Variants in SMARCE1 observed in about 807,000 individuals in gnomAD.
SMARCE1 encodes the protein SWI/SNF-related matrix-associated actin-dependent regulator of chromatin subfamily E member 1.
SMARCE1 carries 13 observed loss-of-function variants against 54.9 expected under a neutral mutation model. That is an observed-to-expected ratio of 0.24 (90% CI 0.15 to 0.38). The LOEUF is 0.38. Among genes scored for constraint, SMARCE1 ranks in the 10% least tolerant of loss-of-function variants. The probability of loss-of-function intolerance (pLI) is 1.00; values close to 1 mark genes in which losing one functional copy is unlikely to be tolerated. For missense variants in SMARCE1, 295 were observed against 523.8 expected (o/e 0.56, Z 4.26); for synonymous variants, 151 against 175.3 (o/e 0.86, Z 1.10).
chr17:40,631,420 C>T, intron 9 of SMARCE1, 172 bp downstream of exon 9: 2 of 540,726 alleles, frequency 3.7e-6, no homozygotes, highest in East Asian at 3.0e-5. Flanking sequence ...TGCAATTTTG[C>T]CAGAGAATGG....
At chr17:40,631,145 A>G in intron 9 of SMARCE1, 1 of 489,650 alleles carries the variant, frequency 2.0e-6, no homozygotes, top group Non-Finnish European at 3.6e-6. Context: ...ATAATATAGG[A>G]TATTCCAGAG....
chr17:40,641,632 T>C (rs1336154876), intron 4 of SMARCE1: 1 of 152,230 alleles, frequency 6.6e-6, no homozygotes, highest in Non-Finnish European at 1.5e-5. Context: ...TCCAATGTAG[T>C]ATTTGACTTT....
chr17:40,636,570 G>A (rs751766941), intron 5 of SMARCE1, 44 bp from the exon 6 acceptor site: 32 of 1,480,246 alleles, frequency 2.2e-5, no homozygotes, highest in Admixed American at 1.9e-5. Flanking sequence ...ATGTCTAAAC[G>A]TATAGACCTT....
chr17:40,630,392 T>C (rs1351556363), intron 10 of SMARCE1: 3 of 668,332 alleles, frequency 4.5e-6, no homozygotes, highest in Non-Finnish European at 8.1e-6. Context: ...ACAGACAGTA[T>C]GTAAACAAAC....
At chr17:40,646,343 A>T (rs1375292840) in intron 1 of SMARCE1, among the ~76,000 whole-genome samples, 1 of 152,210 alleles carries the variant, frequency 6.6e-6, no homozygotes, top group Non-Finnish European at 1.5e-5. Flanking sequence ...TGAACTTCAC[A>T]TTCTCTTATA....
Position 40,636,533 on chromosome 17 carries a change from A to G in SMARCE1, c.238-7T>C, listed in dbSNP as rs1461647458. On this transcript the variant is annotated splice_polypyrimidine_tract_variant and splice_region_variant and intron_variant, in intron 5 of 10. Transcript: ENST00000348513. ...CCTTTACTTGGTCCCAGACCTTAAA[A>G]AGAAAACAGATGAAATGTTAATACT... is the stretch of plus-strand genomic sequence containing the variant. 2 of 1,608,126 alleles carry G rather than the reference A, an allele frequency of 1.2e-6. No homozygotes were observed. Among genetic ancestry groups the G allele is most frequent in the Non-Finnish European group, 1.7e-6 (2 of 1,175,074 alleles).
intron 5 of SMARCE1, 27 bp downstream of exon 5, chr17:40,637,465 A>C: frequency 1.9e-6 from 3 of 1,543,454 alleles, no homozygotes; most frequent in Non-Finnish European, 2.7e-6. Context: ...CAGTGTCCTC[A>C]CTCCTTACCA....
At chr17:40,629,089 T>A in intron 10 of SMARCE1, 96 bp from the exon 11 acceptor site, 1 of 966,456 alleles carries the variant, frequency 1.0e-6, no homozygotes, top group Non-Finnish European at 1.6e-6. Context: ...TAGAAGCCAC[T>A]AGCCACATGT....
chr17:40,633,382 T>C (rs907932463), intron 7 of SMARCE1: 1 of 152,134 alleles, frequency 6.6e-6, no homozygotes, highest in Non-Finnish European at 1.5e-5. Flanking sequence ...TCATAGTTTT[T>C]CATATATCTA....
At chr17:40,630,210 T>C in intron 10 of SMARCE1, 2 of 1,429,538 alleles carry the variant, frequency 1.4e-6, no homozygotes, top group Non-Finnish European at 1.9e-6. Flanking sequence ...TTTTTTACCT[T>C]GAGGGATGCT....
intron 10 of SMARCE1, chr17:40,630,076 T>C: frequency 1.8e-6 from 1 of 566,074 alleles, no homozygotes; most frequent in Non-Finnish European, 3.1e-6. Context: ...CTTAGTCCTG[T>C]TTACACAGTG....
chr17:40,627,796 A>G lies in SMARCE1; in HGVS notation c.*989T>C, dbSNP rs2037050364. The G allele has an allele frequency of 6.6e-6, 1 of 152,558 alleles. No individual in the cohort carries two copies. The highest frequency in any genetic ancestry group is 2.4e-5 in the African/African-American group (1 of 41,400). The allele number at this position is 152,558 out of a possible 1,614,324, so 9.5% of individuals were successfully genotyped here. On this transcript the variant is annotated 3_prime_UTR_variant, in exon 11 of 11. Coordinates refer to ENST00000348513, the MANE Select transcript of SMARCE1 (RefSeq NM_003079.5). Reference sequence around the variant, plus strand: ...CCACTATTCAGTAAAAATCTATTCTAGTTTTTGGGAAGCTTATGTGTCACA... The same window carrying G: ...CCACTATTCAGTAAAAATCTATTCTGGTTTTTGGGAAGCTTATGTGTCACA...
In SMARCE1 at chr17:40,629,010, G is replaced by C. The variant is rs1162371347; in HGVS notation, c.1028-17C>G. 1 of 1,599,632 alleles carries C rather than the reference G, an allele frequency of 6.3e-7. No homozygotes were observed. Among genetic ancestry groups the C allele is most frequent in the East Asian group, 2.2e-5 (1 of 44,796 alleles). ...GTGTCTCCTCTGTAATCACACATTT[G>C]TCACTGTCAGTTCCAAGATGAAATT... On this transcript the variant is annotated splice_polypyrimidine_tract_variant and intron_variant, in intron 10 of 10. Transcript: ENST00000348513.
chr17:40,628,900 A>G lies in SMARCE1; in HGVS notation c.1121T>C (p.Val374Ala), dbSNP rs1597741256. The G allele has an allele frequency of 6.2e-7, 1 of 1,612,724 alleles. No homozygotes were observed. The highest frequency in any genetic ancestry group is 8.5e-7 in the Non-Finnish European group (1 of 1,179,570). ...GGTTCCTTCCTCTGCCATACTGTCGACCCCCTCCTGCCCACTCTCCTTGTC... is the reference window on the plus strand; with the variant it reads ...GGTTCCTTCCTCTGCCATACTGTCGGCCCCCTCCTGCCCACTCTCCTTGTC... ...PEDKESGQEGVDSMAEEGTSD... is the reference protein window; with the variant it reads ...PEDKESGQEGADSMAEEGTSD... Residue 374 changes from valine to alanine, a missense_variant, in exon 11 of 11, where the codon GTC becomes GCC. By Grantham distance (64) the Val-to-Ala change is moderately conservative. Transcript: ENST00000348513.
intron 2 of SMARCE1, 85 bp from the exon 3 acceptor site, chr17:40,645,704 G>GAA: frequency 9.9e-6 from 11 of 1,116,624 alleles, no homozygotes; most frequent in South Asian, 5.7e-5. Context: ...CTGTTTTGAA[G>GAA]AAAAAAAAAT....
intron 4 of SMARCE1, chr17:40,637,773 A>G: frequency 3.6e-6 from 2 of 560,502 alleles, no homozygotes; most frequent in Middle Eastern, 3.6e-4. Flanking sequence ...TGTTTTACTT[A>G]GCAGTTTATT....
chr17:40,637,684 T>C (rs1272589895), intron 4 of SMARCE1, 112 bp from the exon 5 acceptor site: 1 of 745,076 alleles, frequency 1.3e-6, no homozygotes, highest in Non-Finnish European at 2.3e-6. Flanking sequence ...CGTCCAAATA[T>C]TTTCTTCACT....
At position 40,628,836 on chromosome 17, in the gene SMARCE1, T is replaced by C. The variant is rs2037060598; in HGVS notation, c.1185A>G (p.Thr395=). 12 of 1,613,812 alleles carry C rather than the reference T, an allele frequency of 7.4e-6. No individual in the cohort carries two copies. The highest frequency in any genetic ancestry group is 1.7e-5 in the Admixed American group (1 of 59,996). ...SNTGSESNSA[T]VEEPPTDPIP... ...TGGGATCTGTTGGTGGCTCCTCCAC[T>C]GTTGCACTGTTGCTCTCCGAGCCAG... Residue 395 remains threonine, a synonymous_variant, in exon 11 of 11, where the codon ACA becomes ACG. Transcript: ENST00000348513.
chr17:40,629,258 A>G, intron 10 of SMARCE1: 1 of 519,824 alleles, frequency 1.9e-6, no homozygotes, highest in Non-Finnish European at 3.4e-6. Flanking sequence ...TTCTGAATTG[A>G]GATGTGTATA....
Sources: allele counts gnomAD v4.1 joint callset (sites outside exome capture counted in the v4.1 genomes callset), GRCh38; gene constraint gnomAD v4.1.1; transcripts MANE v1.5; gene names NCBI Gene and HGNC (gene_info 2026-07-23, HGNC 2026-07-21).